The following PCDHGA3 variants were observed in gnomAD, a reference collection of about 807,000 sequenced individuals.
PCDHGA3 encodes protocadherin gamma-A3.
A neutral mutation model predicts 58.5 loss-of-function variants in PCDHGA3; 40 were observed. The observed-to-expected ratio is 0.68, with a 90% confidence interval of 0.53 to 0.89. The LOEUF is 0.89. PCDHGA3 is among the 40% of genes least tolerant of loss of function. PCDHGA3 has a pLI of 0.00. For synonymous variants in PCDHGA3, 530 were observed against 525.7 expected, an observed-to-expected ratio of 1.01 and a Z score of -0.11; for missense variants, 1,223 against 1,195.9, an observed-to-expected ratio of 1.02 and a Z score of -0.33.
intron 1 of PCDHGA3, among the ~76,000 whole-genome samples, chr5:141,445,892 T>C (rs2154561169): frequency 6.6e-6 from 1 of 152,346 alleles, no homozygotes; most frequent in African/African-American, 2.4e-5. Context: ...TTAGGAGCTA[T>C]TAAAATATTT....
At chr5:141,428,226 C>A (rs2154552641) in intron 1 of PCDHGA3, 1 of 1,137,180 alleles carries the variant, frequency 8.8e-7, no homozygotes, top group South Asian at 1.3e-5. Flanking sequence ...TCTTCGCAGA[C>A]AGCCTGCAGG....
chr5:141,350,368 A>T lies in PCDHGA3; in HGVS notation c.2424+3911A>T, dbSNP rs1237680615. On this transcript the variant is annotated intron_variant, in intron 1 of 3. Transcript: ENST00000253812. ...CCCAGCAGATCCGATACACGATTCC[A>T]GAGGAGCTAGCCAACGGCTCACGGG... is the stretch of plus-strand genomic sequence containing the variant. 6 of 1,581,266 alleles carry T rather than the reference A, an allele frequency of 3.8e-6. No individual in the cohort carries two copies. In the South Asian group the frequency reaches 7.0e-5, roughly 19 times the overall value.
intron 1 of PCDHGA3, among the ~76,000 whole-genome samples, chr5:141,369,532 T>C (rs1330154732): frequency 1.3e-5 from 2 of 152,314 alleles, no homozygotes; most frequent in African/African-American, 2.4e-5. Flanking sequence ...ATCATACTTA[T>C]TTAATTAAAA....
chr5:141,367,052 A>G (rs936203558), intron 1 of PCDHGA3: 4 of 325,986 alleles, frequency 1.2e-5, no homozygotes, highest in African/African-American at 6.6e-5. Flanking sequence ...AATAGAAAAG[A>G]TGTTTTATTT....
chr5:141,368,313 G>A (rs1765575616), intron 1 of PCDHGA3, among the ~76,000 whole-genome samples: 1 of 152,024 alleles, frequency 6.6e-6, no homozygotes, highest in South Asian at 2.1e-4. Flanking sequence ...CTGTTAAAGA[G>A]CATTCAAGTA....
At chr5:141,352,275 G>T in intron 1 of PCDHGA3, 1 of 1,614,086 alleles carries the variant, frequency 6.2e-7, no homozygotes, top group Non-Finnish European at 8.5e-7. Context: ...CCAGACCTCA[G>T]CGACCGCCCT....
chr5:141,394,749 G>A (rs1270810324), intron 1 of PCDHGA3: 2 of 1,613,424 alleles, frequency 1.2e-6, no homozygotes, highest in Non-Finnish European at 8.5e-7. Flanking sequence ...CGTGGTGGCC[G>A]TCCAGGACCA....
intron 1 of PCDHGA3, among the ~76,000 whole-genome samples, chr5:141,438,396 A>T (rs1026490705): frequency 6.6e-6 from 1 of 150,930 alleles, no homozygotes. Context: ...TTCATCATTA[A>T]CTCTCTGAAG....
At chr5:141,426,539 T>C in intron 1 of PCDHGA3, 2 of 347,388 alleles carry the variant, frequency 5.8e-6, no homozygotes, top group South Asian at 4.4e-5. Flanking sequence ...GGGAACATAC[T>C]TGTGAGTGAC....
chr5:141,393,023 T>G (rs372159245), intron 1 of PCDHGA3: 22 of 1,613,668 alleles, frequency 1.4e-5, no homozygotes, highest in Non-Finnish European at 1.7e-5. Flanking sequence ...TCTCCAGAGG[T>G]AGGACGCAGC....
rs1404153764 is a variant in PCDHGA3 at position 141,364,593 on chromosome 5, G to A, written c.2424+18136G>A. On this transcript the variant is annotated intron_variant, in intron 1 of 3. Transcript: ENST00000253812. ...CGAAGCGGCAGCTTGGTCACCGCGG[G>A]CAGGATAGACCGGGAGGAGCTCTGC... 1.9e-6 allele frequency: 3 copies of A among 1,614,214 alleles called. No homozygotes were observed. The South Asian group carries it at 3.3e-5, about 18-fold the overall frequency.
intron 1 of PCDHGA3, among the ~76,000 whole-genome samples, chr5:141,464,022 TG>T (rs948245337): frequency 1.3e-5 from 2 of 151,716 alleles, no homozygotes; most frequent in African/African-American, 4.8e-5. Context: ...TCCCACACTT[TG>T]GGAGGCCAAG....
intron 1 of PCDHGA3, chr5:141,409,446 C>A: frequency 6.2e-7 from 1 of 1,613,984 alleles, no homozygotes; most frequent in Middle Eastern, 1.6e-4. Flanking sequence ...CGAGAGCAGA[C>A]ACCAGAATAC....
chr5:141,470,023 G>A (rs1258101057), intron 1 of PCDHGA3, among the ~76,000 whole-genome samples: 1 of 152,110 alleles, frequency 6.6e-6, no homozygotes, highest in Admixed American at 6.6e-5. Context: ...CAGCTACTCG[G>A]GATGCTGAGG....
At chr5:141,394,299 C>T (rs1420097652) in intron 1 of PCDHGA3, 1 of 1,613,884 alleles carries the variant, frequency 6.2e-7, no homozygotes, top group Non-Finnish European at 8.5e-7. Flanking sequence ...CGAGGACACG[C>T]TGCAGGGGGC....
intron 1 of PCDHGA3, chr5:141,383,378 C>A (rs753458256): frequency 8.1e-6 from 13 of 1,613,884 alleles, no homozygotes; most frequent in Non-Finnish European, 1.1e-5. Flanking sequence ...GCTGGGGATC[C>A]AGATGTGGGC....
At chr5:141,365,516 A>C (rs778402977) in intron 1 of PCDHGA3, 1 of 1,613,878 alleles carries the variant, frequency 6.2e-7, no homozygotes, top group South Asian at 1.1e-5. Flanking sequence ...TAAATTGGAG[A>C]AGTCAGTTGA....
In PCDHGA3 at chr5:141,462,417, A is replaced by G. The variant is rs184240612; in HGVS notation, c.2425-32390A>G. 4.0e-4 allele frequency among the ~76,000 whole-genome samples: 61 copies of G among 152,300 alleles called. 1 individual carries two copies. The highest frequency in any genetic ancestry group is 3.2e-3 in the Admixed American group (49 of 15,300). ...TCTTTTATGGCACAGAATATGGTCT[A>G]TCTTGGTGAGTGTTGCTTACACACA... On this transcript the variant is annotated intron_variant, in intron 1 of 3. Transcript: ENST00000253812.
chr5:141,498,390 T>C (rs2099783500), intron 2 of PCDHGA3, among the ~76,000 whole-genome samples: 1 of 151,982 alleles, frequency 6.6e-6, no homozygotes, highest in Non-Finnish European at 1.5e-5. Context: ...ATCAAGGGAA[T>C]GGCAGGGAGT....
Sources: gnomAD v4.1 joint callset for allele counts (sites outside exome capture counted in the v4.1 genomes callset) on GRCh38, gnomAD v4.1.1 for gene constraint, MANE v1.5 for transcripts, NCBI Gene and HGNC (gene_info 2026-07-23, HGNC 2026-07-21) for gene names.